DYNC2H1: variants seen among roughly 807,000 people sequenced by gnomAD.
DYNC2H1 encodes the protein cytoplasmic dynein 2 heavy chain 1.
Under a neutral mutation model 570.0 loss-of-function variants are expected in DYNC2H1, and 410 were observed. The ratio of observed to expected loss-of-function variants is 0.72; its 90% CI spans 0.66 to 0.78. The LOEUF is 0.78. DYNC2H1 is among the 30% of genes least tolerant of loss of function. The pLI, the probability that DYNC2H1 is intolerant of heterozygous loss-of-function variation, is 0.00. For missense variants in DYNC2H1, 4,865 were observed against 5,046.4 expected (o/e 0.96, Z 1.09); for synonymous variants, 1,688 against 1,677.6 (o/e 1.01, Z -0.15).
intron 6 of DYNC2H1, among the ~76,000 whole-genome samples, chr11:103,118,381 A>T (rs1363516552): frequency 1.3e-5 from 2 of 152,000 alleles, no homozygotes; most frequent in East Asian, 1.9e-4. Flanking sequence ...AAACTTTTTT[A>T]AAAAATGAAA....
chr11:103,120,944 AAT>A lies in DYNC2H1; in HGVS notation c.1272_1273del (p.Tyr424Ter). 1 of 1,534,398 alleles carries A rather than the reference AAT, an allele frequency of 6.5e-7. No individual in the cohort carries two copies. The highest frequency in any genetic ancestry group is 8.7e-7 in the Non-Finnish European group (1 of 1,143,856). On this transcript the variant is annotated frameshift_variant, in exon 9 of 89. Transcript: ENST00000375735. LOFTEE classifies it high-confidence loss of function. ...TATTAGCTTCTTCAAGCATTCCTGA[AAT>A]ATAAAGAGTTGGTAAAGCGTCCAAC...
intron 85 of DYNC2H1, among the ~76,000 whole-genome samples, chr11:103,449,589 C>T (rs1182240718): frequency 6.6e-6 from 1 of 152,138 alleles, no homozygotes; most frequent in Admixed American, 6.5e-5. Flanking sequence ...GTTATTCATA[C>T]CAAGTCACAC....
intron 47 of DYNC2H1, 30 bp downstream of exon 47, chr11:103,192,294 AACTATT>A (rs745906194): frequency 1.4e-6 from 2 of 1,415,816 alleles, no homozygotes; most frequent in East Asian, 4.9e-5. Flanking sequence ...GCAAATACAT[AACTATT>A]ACAAGGATTT....
Position 103,133,421 on chromosome 11 carries a change from A to T in DYNC2H1, c.1954-134A>T. ...TTTGCCAGACTGCCTTATCATTTAT[A>T]AAATGGAAAATTATTATGTGCTTTC... On this transcript the variant is annotated intron_variant, in intron 13 of 88. Coordinates refer to ENST00000375735, the MANE Select transcript of DYNC2H1 (RefSeq NM_001377.3). The surrounding 1 kb of genome is among the most constrained non-coding windows in gnomAD (Gnocchi z 4.8). 1.3e-6 allele frequency: 1 copy of T among 767,966 alleles called. No homozygotes were observed. The highest frequency in any genetic ancestry group is 2.0e-6 in the Non-Finnish European group (1 of 509,470). 47.6% of individuals were successfully genotyped at this position (767,966 alleles called of 1,614,324 possible). A position where few individuals can be genotyped will look rare whatever the true frequency, so the allele number is the denominator to read the frequency against.
rs148962977 is a variant in DYNC2H1 at position 103,133,434 on chromosome 11, A to G, written c.1954-121A>G. 1.6e-4 allele frequency: 141 copies of G among 864,374 alleles called. No individual in the cohort carries two copies. The highest frequency in any genetic ancestry group is 2.3e-4 in the Non-Finnish European group (132 of 585,580). The allele number at this position is 864,374 out of a possible 1,614,324, so 53.5% of individuals were successfully genotyped here. A position where few individuals can be genotyped will look rare whatever the true frequency, so the allele number is the denominator to read the frequency against. On this transcript the variant is annotated intron_variant, in intron 13 of 88. Transcript: ENST00000375735. The surrounding 1 kb of genome is among the most constrained non-coding windows in gnomAD (Gnocchi z 4.8). The stretch of plus-strand genomic sequence containing the variant: ...CTTATCATTTATAAAATGGAAAATT[A>G]TTATGTGCTTTCTTTGTTGCAGGTC...
chr11:103,264,083 G>A lies in DYNC2H1; in HGVS notation c.10695+4106G>A, dbSNP rs1446846455. ...CAGAGAATACTATAAACACCTCTAC[G>A]CAAATAAACTAGAAAATCTAGAAGA... On this transcript the variant is annotated intron_variant, in intron 70 of 88. Coordinates refer to ENST00000375735, the MANE Select transcript of DYNC2H1 (RefSeq NM_001377.3). The surrounding 1 kb of genome is among the most constrained non-coding windows in gnomAD (Gnocchi z 4.8). Among the ~76,000 whole-genome samples the A allele has an allele frequency of 1.3e-5, 2 of 151,958 alleles. No homozygotes were observed. Among genetic ancestry groups the A allele is most frequent in the South Asian group, 2.1e-4 (1 of 4,812 alleles).
At position 103,245,267 on chromosome 11, in the gene DYNC2H1, C is replaced by T; in HGVS notation, c.9935C>T (p.Thr3312Ile). The change falls in exon 65 of 89, where the codon ACA (threonine) becomes ATA (isoleucine). Residue 3312 changes from threonine (T) to isoleucine (I), a missense_variant. Transcript: ENST00000375735. This position sits in a 1 kb window ranked among gnomAD's most constrained non-coding sequence, Gnocchi z 4.5. ...TTCAATTAGGATAGTAACTTTATCACAGCTCTTGAATTAGCAGTACGTTTT... is the reference window on the plus strand; with the variant it reads ...TTCAATTAGGATAGTAACTTTATCATAGCTCTTGAATTAGCAGTACGTTTT... Reference protein sequence around the residue: ...VINQQDSNFITALELAVRFGK... With the variant: ...VINQQDSNFIIALELAVRFGK... The T allele has an allele frequency of 6.5e-7, 1 of 1,542,044 alleles. No individual in the cohort carries two copies. The highest frequency in any genetic ancestry group is 1.7e-4 in the Middle Eastern group (1 of 5,860).
chr11:103,316,672 G>A, intron 80 of DYNC2H1, 52 bp downstream of exon 80: 1 of 1,314,528 alleles, frequency 7.6e-7, no homozygotes, highest in Non-Finnish European at 1.0e-6. Flanking sequence ...TTTTATCTGA[G>A]GTCTTATTAA....
intron 84 of DYNC2H1, among the ~76,000 whole-genome samples, chr11:103,418,854 C>G (rs1943377124): frequency 6.6e-6 from 1 of 152,162 alleles, no homozygotes; most frequent in South Asian, 2.1e-4. Context: ...CCCTCATGAG[C>G]CCACACCACC....
At chr11:103,155,846 A>G (rs1406913801) in intron 25 of DYNC2H1, among the ~76,000 whole-genome samples, 1 of 152,184 alleles carries the variant, frequency 6.6e-6, no homozygotes, top group African/African-American at 2.4e-5. Context: ...GACTCTTGAT[A>G]TCAAATTGTT....
intron 30 of DYNC2H1, among the ~76,000 whole-genome samples, chr11:103,165,387 C>A (rs1306125649): frequency 1.3e-5 from 2 of 152,160 alleles, no homozygotes; most frequent in Non-Finnish European, 2.9e-5. Flanking sequence ...CCTCAGCCTT[C>A]CAAAGTTCTG....
At chr11:103,234,335 T>A (rs1208715929) in intron 61 of DYNC2H1, among the ~76,000 whole-genome samples, 175 bp downstream of exon 61, 1 of 152,008 alleles carries the variant, frequency 6.6e-6, no homozygotes, top group Non-Finnish European at 1.5e-5. Flanking sequence ...AGCGTCTTTA[T>A]ATGAATAGAT....
intron 82 of DYNC2H1, among the ~76,000 whole-genome samples, chr11:103,340,727 C>G (rs1204940707): frequency 6.6e-6 from 1 of 152,012 alleles, no homozygotes; most frequent in Non-Finnish European, 1.5e-5. Context: ...GATTGTGAGG[C>G]CGTGTTTTAG....
intron 85 of DYNC2H1, among the ~76,000 whole-genome samples, chr11:103,452,524 T>C (rs1284980070): frequency 6.6e-6 from 1 of 151,976 alleles, no homozygotes; most frequent in East Asian, 1.9e-4. Context: ...TGTTAATTAA[T>C]ATGTAAAAGA....
intron 18 of DYNC2H1, among the ~76,000 whole-genome samples, chr11:103,144,572 A>T (rs1860139392): frequency 6.6e-6 from 1 of 152,200 alleles, no homozygotes; most frequent in Non-Finnish European, 1.5e-5. Flanking sequence ...TGTGCTGAAA[A>T]TATGAAGTTG....
intron 55 of DYNC2H1, among the ~76,000 whole-genome samples, chr11:103,219,713 G>T (rs1336598094): frequency 6.6e-6 from 1 of 152,116 alleles, no homozygotes; most frequent in African/African-American, 2.4e-5. Context: ...TTAAAGCACT[G>T]AAACCTTTCT....
In DYNC2H1 at chr11:103,436,043, A is replaced by T; in HGVS notation, c.12456+11A>T. On this transcript the variant is annotated intron_variant, in intron 85 of 88. Coordinates refer to ENST00000375735, the MANE Select transcript of DYNC2H1 (RefSeq NM_001377.3). Reference sequence around the variant, plus strand: ...GCCCTTGCAATACAGGTATGCCTAAATTATTTACTAAGTGGGTTGTCTGAC... The same window carrying T: ...GCCCTTGCAATACAGGTATGCCTAATTTATTTACTAAGTGGGTTGTCTGAC... 1 of 1,610,296 alleles carries T rather than the reference A, an allele frequency of 6.2e-7. No individual in the cohort carries two copies. The highest frequency in any genetic ancestry group is 8.5e-7 in the Non-Finnish European group (1 of 1,177,538).
Position 103,303,244 on chromosome 11 carries a change from T to C in DYNC2H1, c.11247T>C (p.Cys3749=). ...ELANAERSGE[C]YHQVAMGQGQ... ...CTAATGCTGAAAGAAGCGGAGAGTG[T>C]TATCACCAGGTAAGTACATATTGTC... is the stretch of plus-strand genomic sequence containing the variant. The change falls in exon 76 of 89, where the codon TGT becomes TGC. Residue 3749 remains cysteine (C), a synonymous_variant. Coordinates refer to ENST00000375735, the MANE Select transcript of DYNC2H1 (RefSeq NM_001377.3). The C allele has an allele frequency of 6.2e-7, 1 of 1,611,954 alleles. No homozygotes were observed. The highest frequency in any genetic ancestry group is 2.2e-5 in the East Asian group (1 of 44,810).
chr11:103,291,060 A>G (rs1380873748), intron 75 of DYNC2H1, among the ~76,000 whole-genome samples: 1 of 152,216 alleles, frequency 6.6e-6, no homozygotes, highest in Non-Finnish European at 1.5e-5. Context: ...CTGGTACAAA[A>G]TAATAGATAT....
Sources: allele counts gnomAD v4.1 joint callset (sites outside exome capture counted in the v4.1 genomes callset), GRCh38; gene constraint gnomAD v4.1.1; non-coding constraint Gnocchi (gnomAD v3.1); transcripts MANE v1.5; gene names NCBI Gene and HGNC (gene_info 2026-07-23, HGNC 2026-07-21).